The following LMX1B variants were observed in gnomAD, a reference collection of about 807,000 sequenced individuals.
LMX1B encodes the protein LIM homeobox transcription factor 1-beta.
LMX1B carries 12 observed loss-of-function variants against 51.4 expected under a neutral mutation model. The ratio of observed to expected loss-of-function variants is 0.23; its 90% CI spans 0.15 to 0.38. The LOEUF (loss-of-function observed/expected upper bound fraction) is 0.38. Ranked by LOEUF, LMX1B falls within the 10% of genes least tolerant of loss-of-function variation. The pLI is 1.00. For missense variants in LMX1B, 445 were observed against 571.1 expected (o/e 0.78, Z 2.25); for synonymous variants, 237 against 235.4 (o/e 1.01, Z -0.06).
At chr9:126,621,341 C>T (rs1023643746) in intron 2 of LMX1B, among the ~76,000 whole-genome samples, 2 of 152,222 alleles carry the variant, frequency 1.3e-5, no homozygotes, top group Non-Finnish European at 1.5e-5. Flanking sequence ...CTGACCCAGC[C>T]GGAAGTTCCT....
chr9:126,635,799 C>T (rs1318156510), intron 2 of LMX1B, among the ~76,000 whole-genome samples: 2 of 152,154 alleles, frequency 1.3e-5, no homozygotes, highest in African/African-American at 4.8e-5. Flanking sequence ...CTAAGTAGCA[C>T]CAAGGACTGC....
intron 2 of LMX1B, among the ~76,000 whole-genome samples, chr9:126,675,272 A>AG (rs1271884623): frequency 7.9e-5 from 12 of 152,128 alleles, no homozygotes; most frequent in African/African-American, 2.9e-4. Flanking sequence ...ACGTCTCTGG[A>AG]GGAGGGTCAA....
At chr9:126,621,492 GT>G (rs1835408332) in intron 2 of LMX1B, among the ~76,000 whole-genome samples, 1 of 152,216 alleles carries the variant, frequency 6.6e-6, no homozygotes, top group Non-Finnish European at 1.5e-5. Flanking sequence ...ATTTGAAAAA[GT>G]TGATTCACGA....
At chr9:126,622,511 G>C (rs534278243) in intron 2 of LMX1B, among the ~76,000 whole-genome samples, 2 of 152,176 alleles carry the variant, frequency 1.3e-5, no homozygotes, top group African/African-American at 4.8e-5. Flanking sequence ...TCCCCCAAGC[G>C]CCTCCCCAGG....
chr9:126,617,941 A>T (rs1224493334), intron 2 of LMX1B, among the ~76,000 whole-genome samples: 1 of 151,756 alleles, frequency 6.6e-6, no homozygotes, highest in Non-Finnish European at 1.5e-5. Flanking sequence ...GATTGTTATC[A>T]GGACAAATAG....
At chr9:126,656,384 TAG>T (rs1413988507) in intron 2 of LMX1B, among the ~76,000 whole-genome samples, 1 of 19,144 alleles carries the variant, frequency 5.2e-5, no homozygotes, top group Non-Finnish European at 1.2e-4. Context: ...ATCTGGTCTT[TAG>T]ATAGATAGAT....
rs900500398 is a variant in LMX1B, at chr9:126,700,549, G to A, written c.*4098G>A. ...GCAGCTCTGGGGCTAAGTCTGCCCT[G>A]GGGGGAAAGGGCTCCACGCTCACAC... On this transcript the variant is annotated 3_prime_UTR_variant, in exon 8 of 8. Coordinates refer to ENST00000373474, the MANE Select transcript of LMX1B (RefSeq NM_001174147.2). 6.6e-6 allele frequency: 1 copy of A among 152,500 alleles called. No individual in the cohort carries two copies. Among genetic ancestry groups the A allele is most frequent in the Non-Finnish European group, 1.5e-5 (1 of 68,282 alleles). 9.4% of individuals were successfully genotyped at this position (152,500 alleles called of 1,614,324 possible).
At chr9:126,639,643 A>G (rs1225738027) in intron 2 of LMX1B, among the ~76,000 whole-genome samples, 1 of 151,996 alleles carries the variant, frequency 6.6e-6, no homozygotes, top group Non-Finnish European at 1.5e-5. Context: ...CTTCCCACCA[A>G]CCTCAGCTGA....
At chr9:126,667,881 AAATC>A (rs1243589784) in intron 2 of LMX1B, among the ~76,000 whole-genome samples, 3 of 152,236 alleles carry the variant, frequency 2.0e-5, no homozygotes, top group Non-Finnish European at 4.4e-5. Context: ...AGGGCCAGTT[AAATC>A]AATCAATCAA....
At chr9:126,644,258 T>A (rs1393203208) in intron 2 of LMX1B, among the ~76,000 whole-genome samples, 1 of 152,030 alleles carries the variant, frequency 6.6e-6, no homozygotes, top group Non-Finnish European at 1.5e-5. Flanking sequence ...GATTAAAGAA[T>A]GAGATGAGGA....
At chr9:126,614,933 G>C (rs1295779757) in intron 1 of LMX1B, among the ~76,000 whole-genome samples, 2 of 152,116 alleles carry the variant, frequency 1.3e-5, no homozygotes, top group Non-Finnish European at 2.9e-5. Context: ...TGGGGTGGGG[G>C]AGATTCTAAG....
chr9:126,658,594 C>G lies in LMX1B; in HGVS notation c.327-32242C>G, dbSNP rs1207278734. Among the ~76,000 whole-genome samples the G allele has an allele frequency of 6.6e-6, 1 of 152,226 alleles. No individual in the cohort carries two copies. Among genetic ancestry groups the G allele is most frequent in the African/African-American group, 2.4e-5 (1 of 41,462 alleles). On this transcript the variant is annotated intron_variant, in intron 2 of 7. Coordinates refer to ENST00000373474, the MANE Select transcript of LMX1B (RefSeq NM_001174147.2). The surrounding 1 kb of genome is among the most constrained non-coding windows in gnomAD (Gnocchi z 4.0). ...CCTCATCCATCATGCCTCTAAGTAA[C>G]CAATTTAAAGGCAGGCGGCCGCACC... is the stretch of plus-strand genomic sequence containing the variant.
intron 2 of LMX1B, among the ~76,000 whole-genome samples, chr9:126,680,261 A>G (rs1357370490): frequency 6.6e-6 from 1 of 152,232 alleles, no homozygotes; most frequent in Non-Finnish European, 1.5e-5. Flanking sequence ...AAAGGGCTTC[A>G]AGAACAGGGA....
intron 2 of LMX1B, among the ~76,000 whole-genome samples, chr9:126,659,341 C>T (rs1836183175): frequency 6.6e-6 from 1 of 152,244 alleles, no homozygotes; most frequent in African/African-American, 2.4e-5. Flanking sequence ...AAGGCGCCCT[C>T]CAGCAGCGGC....
Position 126,626,001 on chromosome 9 carries a change from A to G in LMX1B, c.326+10432A>G, listed in dbSNP as rs1400324320. Among the ~76,000 whole-genome samples, 3 of 152,072 alleles carry G rather than the reference A, an allele frequency of 2.0e-5. No individual in the cohort carries two copies. Among genetic ancestry groups the G allele is most frequent in the African/African-American group, 7.2e-5 (3 of 41,428 alleles). ...CCAAAAGCAAAACCAACACCCAGAAACGAAGCCTGCGTGCCCCCGGGGGCT... is the reference window on the plus strand; with the variant it reads ...CCAAAAGCAAAACCAACACCCAGAAGCGAAGCCTGCGTGCCCCCGGGGGCT... On this transcript the variant is annotated intron_variant, in intron 2 of 7. Coordinates refer to ENST00000373474, the MANE Select transcript of LMX1B (RefSeq NM_001174147.2). The surrounding 1 kb of genome is among the most constrained non-coding windows in gnomAD (Gnocchi z 4.3).
chr9:126,651,097 G>C (rs1170412740), intron 2 of LMX1B, among the ~76,000 whole-genome samples: 3 of 151,964 alleles, frequency 2.0e-5, no homozygotes, highest in Non-Finnish European at 4.4e-5. Context: ...CTCCAGGGTG[G>C]AGGAGAAGGG....
intron 2 of LMX1B, among the ~76,000 whole-genome samples, chr9:126,690,252 G>T (rs576767254): frequency 1.8e-4 from 27 of 152,284 alleles, no homozygotes; most frequent in African/African-American, 5.8e-4. Context: ...AGCTTGATCC[G>T]ATTTGTATTT....
chr9:126,682,684 C>G (rs924854313), intron 2 of LMX1B, among the ~76,000 whole-genome samples: 12 of 152,174 alleles, frequency 7.9e-5, no homozygotes, highest in Non-Finnish European at 1.5e-4. Context: ...ATCACGAGGT[C>G]AGGAGATCGA....
intron 2 of LMX1B, among the ~76,000 whole-genome samples, chr9:126,655,377 G>A (rs1260332115): frequency 9.6e-6 from 1 of 103,648 alleles, no homozygotes; most frequent in Non-Finnish European, 2.4e-5. Flanking sequence ...AATGCCGGTG[G>A]GGGTGAGGGA....
Sources: allele counts gnomAD v4.1 joint callset (sites outside exome capture counted in the v4.1 genomes callset), GRCh38; gene constraint gnomAD v4.1.1; non-coding constraint Gnocchi (gnomAD v3.1); transcripts MANE v1.5; gene names NCBI Gene and HGNC (gene_info 2026-07-23, HGNC 2026-07-21).